BCKDHB: variants seen among roughly 807,000 people sequenced by gnomAD.
BCKDHB encodes the protein 2-oxoisovalerate dehydrogenase subunit beta, mitochondrial.
In BCKDHB, 41 loss-of-function variants were observed where a neutral mutation model predicts 48.5. That is an observed-to-expected ratio of 0.85 (90% CI 0.66 to 1.10). The LOEUF is 1.10. BCKDHB is among the 50% of genes least tolerant of loss of function. BCKDHB has a pLI of 0.00. For missense variants in BCKDHB, 496 were observed against 494.2 expected (o/e 1.00, Z -0.03); for synonymous variants, 201 against 174.8 (o/e 1.15, Z -1.18).
At chr6:80,261,973 G>T (rs1777325381) in intron 8 of BCKDHB, among the ~76,000 whole-genome samples, 1 of 152,088 alleles carries the variant, frequency 6.6e-6, no homozygotes, top group Non-Finnish European at 1.5e-5. Flanking sequence ...CTTTGATTCT[G>T]CTCTCAATTT....
chr6:80,325,370 A>G (rs1000395575), intron 9 of BCKDHB, among the ~76,000 whole-genome samples: 29 of 152,166 alleles, frequency 1.9e-4, no homozygotes, highest in Non-Finnish European at 1.2e-4. Context: ...TCTGGTTACT[A>G]TTTTATAGAA....
At chr6:80,172,758 A>G (rs1772977891) in intron 6 of BCKDHB, among the ~76,000 whole-genome samples, 1 of 152,092 alleles carries the variant, frequency 6.6e-6, no homozygotes, top group African/African-American at 2.4e-5. Flanking sequence ...TTCCTCTGTG[A>G]TGAGTTTTTC....
At position 80,161,909 on chromosome 6, in the gene BCKDHB, G is replaced by T. The variant is rs80313755; in HGVS notation, c.344-5769G>T. 6.9e-3 allele frequency among the ~76,000 whole-genome samples: 1,053 copies of T among 152,154 alleles called. 7 individuals carry two copies. The highest frequency in any genetic ancestry group is 0.024 in the African/African-American group (993 of 41,484). ...GACCTTATTGATTCTTAAAAGCCAC[G>T]GATTTTACCACCTTGTTGCTGTCTT... is the stretch of plus-strand genomic sequence containing the variant. On this transcript the variant is annotated intron_variant, in intron 3 of 9. Transcript: ENST00000320393.
chr6:80,197,277 C>G (rs1185042720), intron 6 of BCKDHB, among the ~76,000 whole-genome samples: 3 of 152,166 alleles, frequency 2.0e-5, no homozygotes, highest in Non-Finnish European at 4.4e-5. Flanking sequence ...TAGCTTCTCT[C>G]AGGTGACTTG....
At chr6:80,270,634 A>T (rs1382114246) in intron 8 of BCKDHB, among the ~76,000 whole-genome samples, 1 of 152,136 alleles carries the variant, frequency 6.6e-6, no homozygotes, top group Admixed American at 6.5e-5. Flanking sequence ...TTTGTAATGC[A>T]CATACAGAGG....
At chr6:80,252,924 C>A (rs1346428208) in intron 8 of BCKDHB, among the ~76,000 whole-genome samples, 1 of 152,064 alleles carries the variant, frequency 6.6e-6, no homozygotes, top group Non-Finnish European at 1.5e-5. Flanking sequence ...TTCTTCACCC[C>A]CTCCTCCTCT....
chr6:80,278,733 A>AT (rs1409146672), intron 9 of BCKDHB, among the ~76,000 whole-genome samples: 1 of 151,980 alleles, frequency 6.6e-6, no homozygotes, highest in Non-Finnish European at 1.5e-5. Flanking sequence ...TAATGTTTGT[A>AT]TTTTTAGTAG....
chr6:80,373,770 C>T, the BCKDHB span, among the ~76,000 whole-genome samples: 3 of 151,988 alleles, frequency 2.0e-5, no homozygotes, highest in Non-Finnish European at 4.4e-5. Flanking sequence ...GCCTCTTTGT[C>T]TTTTTTAACT....
chr6:80,400,636 C>A, the BCKDHB span, among the ~76,000 whole-genome samples: 2 of 152,090 alleles, frequency 1.3e-5, no homozygotes, highest in South Asian at 2.1e-4. Context: ...TAAACTAGTT[C>A]AACCATTGTG....
At chr6:80,149,232 C>T (rs181529413) in intron 3 of BCKDHB, among the ~76,000 whole-genome samples, 6 of 152,328 alleles carry the variant, frequency 3.9e-5, no homozygotes, top group South Asian at 4.1e-4. Context: ...CTCACCATCA[C>T]TGGCCATCAG....
At chr6:80,161,635 A>G (rs367929817) in intron 3 of BCKDHB, among the ~76,000 whole-genome samples, 28 of 152,254 alleles carry the variant, frequency 1.8e-4, no homozygotes, top group African/African-American at 6.0e-4. Flanking sequence ...CACTCTCTCC[A>G]GCATTCCTGT....
intron 8 of BCKDHB, among the ~76,000 whole-genome samples, chr6:80,210,857 T>C (rs1774901182): frequency 1.3e-5 from 2 of 152,160 alleles, no homozygotes; most frequent in Admixed American, 6.5e-5. Context: ...GTTAGGGTTA[T>C]GGGCTTTAAT....
the BCKDHB span, among the ~76,000 whole-genome samples, chr6:80,370,035 G>T: frequency 6.6e-6 from 1 of 152,124 alleles, no homozygotes; most frequent in African/African-American, 2.4e-5. Flanking sequence ...AGCCAATAAA[G>T]TAGTATATTA....
intron 8 of BCKDHB, among the ~76,000 whole-genome samples, chr6:80,245,412 G>A (rs1250281447): frequency 6.6e-6 from 1 of 152,064 alleles, no homozygotes; most frequent in Admixed American, 6.5e-5. Flanking sequence ...GAAACAAAAA[G>A]TAGACAAAGT....
Position 80,203,127 on chromosome 6 carries a change from C to G in BCKDHB, c.866C>G (p.Ser289Cys), listed in dbSNP as rs762438504. 6.2e-7 allele frequency: 1 copy of G among 1,612,712 alleles called. No individual in the cohort carries two copies. Among genetic ancestry groups the G allele is most frequent in the African/African-American group, 1.3e-5 (1 of 74,932 alleles). Residue 289 changes from serine to cysteine, a missense_variant, in exon 8 of 10, where the codon TCC (serine) becomes TGC (cysteine). Physicochemically the swap from Ser to Cys is moderately radical, Grantham distance 112. Transcript: ENST00000320393. The stretch of plus-strand genomic sequence containing the variant: ...GTTCATGTGATCCGAGAGGTAGCTT[C>G]CATGGCAAAAGAAAAGCTTGGAGTG... ...TQVHVIREVA[S>C]MAKEKLGVSC...
At chr6:80,431,445 G>T in the BCKDHB span, among the ~76,000 whole-genome samples, 6 of 152,122 alleles carry the variant, frequency 3.9e-5, no homozygotes, top group African/African-American at 9.7e-5. Context: ...CTATTATTGT[G>T]TGGGAGTCTA....
At chr6:80,329,736 C>A (rs1769225198) in intron 9 of BCKDHB, among the ~76,000 whole-genome samples, 2 of 152,124 alleles carry the variant, frequency 1.3e-5, no homozygotes, top group South Asian at 4.1e-4. Context: ...AGTGCTTCTC[C>A]TGGGTTCTTT....
chr6:80,132,106 A>C (rs1361369559), intron 3 of BCKDHB, among the ~76,000 whole-genome samples: 1 of 151,804 alleles, frequency 6.6e-6, no homozygotes, highest in East Asian at 1.9e-4. Context: ...GTTTCTCTTA[A>C]GCCCCCTGTT....
chr6:80,109,680 A>C, intron 1 of BCKDHB, among the ~76,000 whole-genome samples: 1 of 152,200 alleles, frequency 6.6e-6, no homozygotes. Flanking sequence ...TTTACTTAAG[A>C]ATTGAATATT....
Sources: allele counts gnomAD v4.1 joint callset (sites outside exome capture counted in the v4.1 genomes callset), GRCh38; gene constraint gnomAD v4.1.1; transcripts MANE v1.5; gene names NCBI Gene and HGNC (gene_info 2026-07-23, HGNC 2026-07-21).